The following OVOL2 variants were observed in gnomAD, a reference collection of about 807,000 sequenced individuals.
The protein encoded by OVOL2 is transcription factor Ovo-like 2.
OVOL2 carries 13 observed loss-of-function variants against 18.1 expected under a neutral mutation model. The ratio of observed to expected loss-of-function variants is 0.72; its 90% CI spans 0.47 to 1.14. The LOEUF (loss-of-function observed/expected upper bound fraction) is 1.14, where lower values mean the gene tolerates loss of function less well. OVOL2 is among the 50% of genes most tolerant of loss of function. OVOL2 has a pLI of 0.00. For synonymous variants in OVOL2, 166 were observed against 162.7 expected (o/e 1.02, Z -0.16); for missense variants, 335 against 383.0 (o/e 0.87, Z 1.05).
chr20:18,027,216 T>A (rs532056494), intron 3 of OVOL2, among the ~76,000 whole-genome samples: 1 of 152,186 alleles, frequency 6.6e-6, no homozygotes, highest in African/African-American at 2.4e-5. Flanking sequence ...ATCAGCAAGT[T>A]TTATTGGGCT....
chr20:18,028,786 C>T (rs2036542238), intron 3 of OVOL2, among the ~76,000 whole-genome samples: 1 of 151,934 alleles, frequency 6.6e-6, no homozygotes. Flanking sequence ...GAGCGAGACC[C>T]TGTCTCAAAT....
At chr20:18,032,925 C>T (rs2036584408) in intron 3 of OVOL2, among the ~76,000 whole-genome samples, 1 of 152,086 alleles carries the variant, frequency 6.6e-6, no homozygotes, top group East Asian at 1.9e-4. Flanking sequence ...TTCCTTTTAT[C>T]TCCTAATGAA....
intron 3 of OVOL2, among the ~76,000 whole-genome samples, chr20:18,033,198 AT>A (rs1418110847): frequency 1.3e-5 from 2 of 152,088 alleles, no homozygotes; most frequent in Non-Finnish European, 2.9e-5. Flanking sequence ...TCAAGATGGG[AT>A]TTGTGTGCCT....
At chr20:18,033,880 C>T (rs184909542) in intron 3 of OVOL2, among the ~76,000 whole-genome samples, 1 of 152,144 alleles carries the variant, frequency 6.6e-6, no homozygotes, top group African/African-American at 2.4e-5. Context: ...GCCTGTTCAA[C>T]CTAAAACACT....
In OVOL2 at chr20:18,056,200, TG is replaced by T. The variant is rs1202030361; in HGVS notation, c.321+456del. ...GCCGCCCAGGTCCAGAACATAAGCATGGGGGGTGAACTCTCAGAATCGCGGC... is the reference window on the plus strand; with the variant it reads ...GCCGCCCAGGTCCAGAACATAAGCATGGGGGTGAACTCTCAGAATCGCGGC... On this transcript the variant is annotated intron_variant, in intron 2 of 3. Transcript: ENST00000278780. The surrounding 1 kb of genome is among the most constrained non-coding windows in gnomAD (Gnocchi z 4.2). Among the ~76,000 whole-genome samples, 6 of 151,850 alleles carry T rather than the reference TG, an allele frequency of 4.0e-5. No homozygotes were observed. Among genetic ancestry groups the T allele is most frequent in the Admixed American group, 2.6e-4 (4 of 15,276 alleles).
chr20:18,024,687 T>C lies in OVOL2; in HGVS notation c.777A>G (p.Thr259=). 12 of 1,614,078 alleles carry C rather than the reference T, an allele frequency of 7.4e-6. No individual in the cohort carries two copies. Among genetic ancestry groups the C allele is most frequent in the Non-Finnish European group, 9.3e-6 (11 of 1,179,998 alleles). The part of the protein sequence containing the change: ...KLAALLQGKL[T]SAHQENTSLS... ...GGCTGGTATTCTCCTGGTGTGCGGA[T>C]GTCAGCTTGCCCTGCAGAAGGGCTG... Residue 259 remains threonine (T), a synonymous_variant, in exon 4 of 4, where the codon ACA becomes ACG. Coordinates refer to ENST00000278780, the MANE Select transcript of OVOL2 (RefSeq NM_021220.4).
At position 18,056,852 on chromosome 20, in the gene OVOL2, G is replaced by A. The variant is rs759223616; in HGVS notation, c.126C>T (p.Asp42=). 6.7e-7 allele frequency: 1 copy of A among 1,488,330 alleles called. No homozygotes were observed. Among genetic ancestry groups the A allele is most frequent in the Admixed American group, 2.3e-5 (1 of 44,088 alleles). The allele number at this position is 1,488,330 out of a possible 1,614,324, so 92.2% of individuals were successfully genotyped here. The change falls in exon 2 of 4, where the codon GAC becomes GAT. Residue 42 remains aspartate, a synonymous_variant. Transcript: ENST00000278780. The surrounding 1 kb of genome is among the most constrained non-coding windows in gnomAD (Gnocchi z 4.2). ...IPVGLGRLLH[D]PPEDCRSDGG... is the part of the protein sequence containing the mutation. ...CGTCGCTGCGGCAGTCCTCGGGGGG[G>A]TCGTGGAGCAGGCGGCCTAGGCCCA...
At chr20:18,031,703 A>G (rs1600435797) in intron 3 of OVOL2, among the ~76,000 whole-genome samples, 1 of 152,250 alleles carries the variant, frequency 6.6e-6, no homozygotes, top group East Asian at 1.9e-4. Context: ...AAAGGAAAGG[A>G]TAATTTTTTA....
At chr20:18,042,591 A>T (rs1046222381) in intron 2 of OVOL2, among the ~76,000 whole-genome samples, 1 of 151,970 alleles carries the variant, frequency 6.6e-6, no homozygotes, top group Non-Finnish European at 1.5e-5. Context: ...AGCCTGACCA[A>T]CGTGGAGAAA....
At chr20:18,027,094 T>A (rs1036766885) in intron 3 of OVOL2, among the ~76,000 whole-genome samples, 9 of 136,180 alleles carry the variant, frequency 6.6e-5, no homozygotes, top group Non-Finnish European at 1.1e-4. Flanking sequence ...ACCCCCTGAA[T>A]CTAAAATCAA....
intron 2 of OVOL2, among the ~76,000 whole-genome samples, chr20:18,050,110 T>C (rs933527173): frequency 6.6e-6 from 1 of 152,128 alleles, no homozygotes; most frequent in Non-Finnish European, 1.5e-5. Flanking sequence ...CTGTAGTCGA[T>C]CCTATGGAAG....
rs939897727 is a variant in OVOL2, at chr20:18,041,320, G to A, written c.511+214C>T. Among the ~76,000 whole-genome samples, 13 of 151,662 alleles carry A rather than the reference G, an allele frequency of 8.6e-5. No homozygotes were observed. In the East Asian group the frequency reaches 9.7e-4, roughly 11 times the overall value. On this transcript the variant is annotated intron_variant, in intron 3 of 3. Transcript: ENST00000278780. Reference sequence around the variant, plus strand: ...CTGGGATTACAGGCGCCACCACCACGCCCAGCTAATTTTTTTGTATTTTTA... The same window carrying A: ...CTGGGATTACAGGCGCCACCACCACACCCAGCTAATTTTTTTGTATTTTTA...
chr20:18,031,039 C>T (rs1438067114), intron 3 of OVOL2, among the ~76,000 whole-genome samples: 2 of 152,188 alleles, frequency 1.3e-5, no homozygotes, highest in Non-Finnish European at 2.9e-5. Context: ...CTGAGGCTCA[C>T]CCATCTTGGT....
At chr20:18,034,192 C>A (rs2036594525) in intron 3 of OVOL2, among the ~76,000 whole-genome samples, 1 of 152,162 alleles carries the variant, frequency 6.6e-6, no homozygotes, top group South Asian at 2.1e-4. Flanking sequence ...CTGTCCCCTT[C>A]TTTAAGGAAT....
intron 2 of OVOL2, 51 bp from the exon 3 acceptor site, chr20:18,041,774 G>GAT: frequency 2.6e-6 from 4 of 1,556,206 alleles, no homozygotes; most frequent in Non-Finnish European, 3.5e-6. Flanking sequence ...GGCACATCCA[G>GAT]TAGGCTCACT....
At chr20:18,050,715 C>T (rs2036764556) in intron 2 of OVOL2, 1 of 152,226 alleles carries the variant, frequency 6.6e-6, no homozygotes, top group Admixed American at 6.5e-5. Flanking sequence ...CCTTCAAATG[C>T]TATCACTCAT....
At chr20:18,037,889 A>G (rs956309655) in intron 3 of OVOL2, among the ~76,000 whole-genome samples, 1 of 149,148 alleles carries the variant, frequency 6.7e-6, no homozygotes, top group Non-Finnish European at 1.5e-5. Flanking sequence ...ATCACCTCCC[A>G]AATACATTGC....
rs371480396 is a variant in OVOL2, at chr20:18,055,630, G to A, written c.321+1027C>T. On this transcript the variant is annotated intron_variant, in intron 2 of 3. Coordinates refer to ENST00000278780, the MANE Select transcript of OVOL2 (RefSeq NM_021220.4). The stretch of plus-strand genomic sequence containing the variant: ...CTGGGAATACGCAATGTGCATAGGG[G>A]ACCTCTCCCAGGAAAATGAGGGGTC... 4.8e-3 allele frequency among the ~76,000 whole-genome samples: 737 copies of A among 152,302 alleles called. 8 individuals carry two copies. Among genetic ancestry groups the A allele is most frequent in the African/African-American group, 0.014 (587 of 41,562 alleles).
At chr20:18,030,273 G>A (rs1049342402) in intron 3 of OVOL2, among the ~76,000 whole-genome samples, 136 of 152,306 alleles carry the variant, frequency 8.9e-4, no homozygotes, top group African/African-American at 2.8e-3. Context: ...TAGATCAAGC[G>A]GCAAACCCGA....
Sources: allele counts gnomAD v4.1 joint callset (sites outside exome capture counted in the v4.1 genomes callset), GRCh38; gene constraint gnomAD v4.1.1; non-coding constraint Gnocchi (gnomAD v3.1); transcripts MANE v1.5; gene names NCBI Gene and HGNC (gene_info 2026-07-23, HGNC 2026-07-21).